RPGR: variants seen among roughly 807,000 people sequenced by gnomAD.
The protein encoded by RPGR is X-linked retinitis pigmentosa GTPase regulator.
A neutral mutation model predicts 56.3 loss-of-function variants in RPGR; 10 were observed. That is an observed-to-expected ratio of 0.18 (90% CI 0.11 to 0.30). The LOEUF is 0.30. RPGR is among the 10% of genes least tolerant of loss of function. RPGR has a pLI of 1.00. For synonymous variants in RPGR, 197 were observed against 212.9 expected, an observed-to-expected ratio of 0.93 and a Z score of 0.65; for missense variants, 538 against 590.9, an observed-to-expected ratio of 0.91 and a Z score of 0.93.
chrX:38,289,495 C>T (rs1260609755), intron 13 of RPGR, among the ~76,000 whole-genome samples: 1 of 112,021 alleles, frequency 8.9e-6, no homozygotes, highest in East Asian at 2.8e-4. Flanking sequence ...TACAAACAAG[C>T]TAATGGATGC....
chrX:38,282,777 TCAGCAG>T (rs749108562), intron 15 of RPGR, among the ~76,000 whole-genome samples: 55 of 105,773 alleles, frequency 5.2e-4, no homozygotes, highest in East Asian at 2.2e-3. Context: ...CTGCTGCTGT[TCAGCAG>T]CAGCAGCAGC....
intron 4 of RPGR, among the ~76,000 whole-genome samples, chrX:38,319,651 T>C (rs1003535132): frequency 2.7e-5 from 3 of 111,852 alleles, no homozygotes; most frequent in African/African-American, 9.7e-5. Flanking sequence ...CTTCATAGAG[T>C]TGTTATGAAG....
rs756435239 is a variant in RPGR at position 38,274,908 on chromosome X, A to T, written c.2149+181T>A. On this transcript the variant is annotated intron_variant, in intron 17 of 18. Coordinates refer to ENST00000642395, the MANE Select transcript of RPGR (RefSeq NM_000328.3). ...GAAGAAGCTGTGGTGGTTATATATA[A>T]GAACAGATAAGTCTGTATCACATAT... Among the ~76,000 whole-genome samples the T allele has an allele frequency of 2.2e-4, 25 of 112,644 alleles. No homozygotes were observed. The South Asian group carries it at 9.1e-3, about 41-fold the overall frequency.
At chrX:38,293,277 C>T (rs767247078) in intron 11 of RPGR, among the ~76,000 whole-genome samples, 1 of 111,428 alleles carries the variant, frequency 9.0e-6, no homozygotes, top group Admixed American at 9.6e-5. Flanking sequence ...AGAAAGCAGC[C>T]ACAGACAATA....
At chrX:38,319,719 T>A (rs1378903615) in intron 4 of RPGR, among the ~76,000 whole-genome samples, 1 of 112,114 alleles carries the variant, frequency 8.9e-6, no homozygotes, top group Non-Finnish European at 1.9e-5. Context: ...ATTTAAAGTA[T>A]GTAAAAATGT....
intron 15 of RPGR, among the ~76,000 whole-genome samples, chrX:38,281,751 A>AACC (rs887413624): frequency 2.4e-4 from 27 of 111,458 alleles, no homozygotes; most frequent in East Asian, 5.7e-4. Flanking sequence ...GTCAAATAAC[A>AACC]ACCACCACCA....
At chrX:38,317,269 C>G in intron 6 of RPGR, 47 bp downstream of exon 6, 1 of 1,110,556 alleles carries the variant, frequency 9.0e-7, no homozygotes, top group East Asian at 3.0e-5. Context: ...AATTTAATAA[C>G]AACATAGAAG....
rs781563262 is a variant in RPGR, at chrX:38,293,884, G to GGACT, written c.1415-2404_1415-2401dup. On this transcript the variant is annotated intron_variant, in intron 11 of 18. Coordinates refer to ENST00000642395, the MANE Select transcript of RPGR (RefSeq NM_000328.3). ...TTCTCTCTTCTGTGCTCTCTCTCCA[G>GGACT]GACTACTGGCTCATTCATTACCATA... 3.9e-3 allele frequency among the ~76,000 whole-genome samples: 432 copies of GGACT among 111,449 alleles called. 2 individuals carry two copies. Among genetic ancestry groups the GGACT allele is most frequent in the African/African-American group, 0.014 (417 of 30,670 alleles).
intron 7 of RPGR, among the ~76,000 whole-genome samples, chrX:38,307,432 G>GT (rs1280221347): frequency 8.9e-6 from 1 of 112,404 alleles, no homozygotes; most frequent in Non-Finnish European, 1.9e-5. Context: ...TTTTAAAATA[G>GT]TTTAATGAAT....
chrX:38,327,375 G>A lies in RPGR; in HGVS notation c.-8C>T. On this transcript the variant is annotated 5_prime_UTR_variant, in exon 1 of 19. Coordinates refer to ENST00000642395, the MANE Select transcript of RPGR (RefSeq NM_000328.3). ...CTCTTCCGGCTCCCTCATGCCACGG[G>A]CAGTACGGGCAGCCTGCGCCGGGGC... The A allele has an allele frequency of 1.7e-6, 2 of 1,183,668 alleles. No individual in the cohort carries two copies. Among genetic ancestry groups the A allele is most frequent in the Non-Finnish European group, 2.3e-6 (2 of 881,972 alleles).
chrX:38,307,479 CTT>C (rs1193790572), intron 7 of RPGR, among the ~76,000 whole-genome samples: 2 of 112,407 alleles, frequency 1.8e-5, no homozygotes, highest in Non-Finnish European at 1.9e-5. Flanking sequence ...GAGTTATAGA[CTT>C]TTGAAAAACA....
In RPGR at chrX:38,273,421, T is replaced by C. The variant is rs746373784; in HGVS notation, c.2206A>G (p.Thr736Ala). 1.2e-5 allele frequency: 14 copies of C among 1,204,480 alleles called. No individual in the cohort carries two copies. The highest frequency in any genetic ancestry group is 1.1e-4 in the Admixed American group (5 of 45,455). ...TTTTTCATGTCTTTGCTTGGTGTTG[T>C]TTCACTGTTTTCTAGGATTTCTAAT... The change falls in exon 18 of 19, where the codon ACA becomes GCA. Residue 736 changes from threonine (T) to alanine (A), a missense_variant. Physicochemically the swap from Thr to Ala is moderately conservative, Grantham distance 58. Around this residue, in one of 2 missense-constraint regions of RPGR, gnomAD observed 357 missense variants for 325.8 expected, o/e 1.10. Coordinates refer to ENST00000642395, the MANE Select transcript of RPGR (RefSeq NM_000328.3).
At chrX:38,315,190 G>A (rs1345838004) in intron 6 of RPGR, among the ~76,000 whole-genome samples, 1 of 111,153 alleles carries the variant, frequency 9.0e-6, no homozygotes, top group Non-Finnish European at 1.9e-5. Context: ...AAAATAGCTG[G>A]GCATGATGGT....
At position 38,309,192 on chromosome X, in the gene RPGR, G is replaced by A. The variant is rs776361027; in HGVS notation, c.778+1423C>T. ...ATTTCAATACAGTGATTAGAATCCT[G>A]AGAAATGACATGTCATAACAAATAT... On this transcript the variant is annotated intron_variant, in intron 7 of 18. Transcript: ENST00000642395. Among the ~76,000 whole-genome samples the A allele has an allele frequency of 1.6e-4, 18 of 111,808 alleles. No individual in the cohort carries two copies. In the East Asian group the frequency reaches 5.0e-3, roughly 31 times the overall value.
intron 15 of RPGR, chrX:38,285,202 C>A: frequency 1.2e-6 from 1 of 865,494 alleles, no homozygotes; most frequent in Non-Finnish European, 1.4e-6. Flanking sequence ...GATTTGTATA[C>A]ACAAACAAAA....
intron 11 of RPGR, among the ~76,000 whole-genome samples, chrX:38,293,684 T>C (rs1417888226): frequency 9.0e-6 from 1 of 111,712 alleles, no homozygotes; most frequent in Non-Finnish European, 1.9e-5. Flanking sequence ...AAAACAGAAG[T>C]GATCATATCC....
intron 10 of RPGR, among the ~76,000 whole-genome samples, chrX:38,297,937 C>T (rs928119016): frequency 1.8e-5 from 2 of 111,742 alleles, no homozygotes; most frequent in Non-Finnish European, 3.8e-5. Flanking sequence ...AGGAATGTTA[C>T]CTTCAAAAAT....
chrX:38,290,018 T>G (rs996172872), intron 13 of RPGR, among the ~76,000 whole-genome samples: 1 of 112,038 alleles, frequency 8.9e-6, no homozygotes, highest in African/African-American at 3.2e-5. Flanking sequence ...TCTACAACTG[T>G]GTTCGAACAG....
intron 4 of RPGR, among the ~76,000 whole-genome samples, chrX:38,320,283 C>G (rs1426893013): frequency 7.1e-4 from 9 of 12,706 alleles, no homozygotes; most frequent in African/African-American, 3.1e-3. Flanking sequence ...AGGGGCGGGG[C>G]AAGGGGCAGG....
Sources: gnomAD v4.1 joint callset for allele counts (sites outside exome capture counted in the v4.1 genomes callset) on GRCh38, gnomAD v4.1.1 for gene constraint, gnomAD v4.1.1 regional missense constraint, MANE v1.5 for transcripts, NCBI Gene and HGNC (gene_info 2026-07-23, HGNC 2026-07-21) for gene names.